The following TSPEAR variants were observed in gnomAD, a reference collection of about 807,000 sequenced individuals.
TSPEAR encodes the protein thrombospondin type laminin G domain and EAR repeats, also known as thrombospondin-type laminin G domain and EAR repeat-containing protein.
In TSPEAR, 69 loss-of-function variants were observed where a neutral mutation model predicts 71.6. The observed-to-expected ratio is 0.96, with a 90% CI of 0.79 to 1.18. The LOEUF is 1.18. Among genes scored for constraint, TSPEAR ranks in the 50% most tolerant of loss-of-function variants. The pLI is 0.00. For missense variants in TSPEAR, 971 were observed against 894.9 expected (o/e 1.09, Z -1.09); for synonymous variants, 402 against 387.2 (o/e 1.04, Z -0.45).
chr21:44,647,113 C>A (rs587759476), intron 1 of TSPEAR: 1 of 1,611,914 alleles, frequency 6.2e-7, no homozygotes, highest in African/African-American at 1.4e-5. Flanking sequence ...CTGCCAGCAG[C>A]CTAGCTGCCA....
chr21:44,689,278 G>A (rs1244024183), intron 1 of TSPEAR, among the ~76,000 whole-genome samples: 4 of 152,220 alleles, frequency 2.6e-5, no homozygotes, highest in Admixed American at 6.5e-5. Flanking sequence ...CGAGGCGGGC[G>A]GATCACGAGG....
intron 1 of TSPEAR, among the ~76,000 whole-genome samples, chr21:44,699,600 C>T (rs1434550003): frequency 2.6e-5 from 4 of 152,124 alleles, no homozygotes; most frequent in African/African-American, 9.7e-5. Context: ...CTCCCTCTGT[C>T]CCTCACTCTG....
intron 1 of TSPEAR, chr21:44,658,243 C>A (rs1341951309): frequency 1.2e-6 from 2 of 1,614,062 alleles, no homozygotes. Flanking sequence ...GCAGACCCAT[C>A]TCCTGCAGCA....
chr21:44,650,276 C>A (rs1432248463), intron 1 of TSPEAR, among the ~76,000 whole-genome samples: 1 of 152,064 alleles, frequency 6.6e-6, no homozygotes, highest in Non-Finnish European at 1.5e-5. Context: ...GTAAACATGA[C>A]CTTACGTGGA....
intron 2 of TSPEAR, among the ~76,000 whole-genome samples, chr21:44,556,174 A>G (rs1417029923): frequency 6.6e-6 from 1 of 152,138 alleles, no homozygotes; most frequent in African/African-American, 2.4e-5. Context: ...TCAGGAGTTC[A>G]AGACCAGCCT....
intron 1 of TSPEAR, among the ~76,000 whole-genome samples, chr21:44,618,259 C>T (rs1347776686): frequency 2.0e-5 from 3 of 152,220 alleles, no homozygotes; most frequent in African/African-American, 7.2e-5. Flanking sequence ...CTCTCACTTG[C>T]TTCTCTCTCC....
chr21:44,522,856 C>T (rs1219739138), intron 8 of TSPEAR, among the ~76,000 whole-genome samples: 1 of 152,278 alleles, frequency 6.6e-6, no homozygotes, highest in African/African-American at 2.4e-5. Context: ...ACCAGGCCAG[C>T]ATCCCTGCCA....
intron 4 of TSPEAR, among the ~76,000 whole-genome samples, chr21:44,530,598 G>C (rs2052949284): frequency 6.6e-6 from 1 of 152,202 alleles, no homozygotes; most frequent in South Asian, 2.1e-4. Flanking sequence ...AATATTCAGA[G>C]CATCTGCTAT....
chr21:44,704,695 G>A (rs1028893722), intron 1 of TSPEAR, among the ~76,000 whole-genome samples: 1 of 152,306 alleles, frequency 6.6e-6, no homozygotes, highest in East Asian at 1.9e-4. Context: ...AGTCTACCAC[G>A]GGGACCAGAA....
intron 1 of TSPEAR, among the ~76,000 whole-genome samples, chr21:44,685,363 A>G (rs1179335987): frequency 1.3e-5 from 2 of 151,042 alleles, no homozygotes; most frequent in Non-Finnish European, 3.0e-5. Context: ...TGCCATCCAC[A>G]CTCCTGCCCG....
At chr21:44,507,562 A>C (rs1252062083) in intron 10 of TSPEAR, among the ~76,000 whole-genome samples, 3 of 152,224 alleles carry the variant, frequency 2.0e-5, no homozygotes, top group African/African-American at 7.2e-5. Context: ...AATTTAGTTC[A>C]TAAACTGTCC....
chr21:44,573,833 C>T, intron 1 of TSPEAR: 1 of 1,614,216 alleles, frequency 6.2e-7, no homozygotes, highest in Non-Finnish European at 8.5e-7. Context: ...CTTGCTCCGA[C>T]TCCTGGCAGG....
At chr21:44,555,199 A>G (rs1383515170) in intron 2 of TSPEAR, among the ~76,000 whole-genome samples, 1 of 152,246 alleles carries the variant, frequency 6.6e-6, no homozygotes, top group Middle Eastern at 3.2e-3. Context: ...TTGGAAAGGA[A>G]AGGAAATTGC....
At chr21:44,513,215 C>T (rs1410678430) in intron 9 of TSPEAR, among the ~76,000 whole-genome samples, 1 of 152,196 alleles carries the variant, frequency 6.6e-6, no homozygotes, top group Non-Finnish European at 1.5e-5. Flanking sequence ...CTATTGACAG[C>T]CCCTCCTCCC....
chr21:44,646,680 C>T lies in TSPEAR; in HGVS notation c.82+64753G>A, dbSNP rs782531855. 1.9e-6 allele frequency: 3 copies of T among 1,614,106 alleles called. No homozygotes were observed. The South Asian group carries it at 3.3e-5, about 18-fold the overall frequency. ...CCTGCCAATCAGGCTGCACCAGCTC[C>T]TGCACGCCGTCATGCTGCCAGCAGT... is the stretch of plus-strand genomic sequence containing the variant. On this transcript the variant is annotated intron_variant, in intron 1 of 11. Transcript: ENST00000323084.
rs782812871 is a variant in TSPEAR at position 44,539,511 on chromosome 21, A to G, written c.304-5588T>C. The G allele has an allele frequency of 7.6e-5, 122 of 1,613,482 alleles. No individual in the cohort carries two copies. Among genetic ancestry groups the G allele is most frequent in the Non-Finnish European group, 9.7e-5 (114 of 1,179,720 alleles). On this transcript the variant is annotated intron_variant, in intron 2 of 11. Transcript: ENST00000323084. Reference sequence around the variant, plus strand: ...GTGCAGCAAGCCGGCTGGCAGCTAGACTGCTGGCAGCATGAAGTGGAAGCC... The same window carrying G: ...GTGCAGCAAGCCGGCTGGCAGCTAGGCTGCTGGCAGCATGAAGTGGAAGCC...
In TSPEAR at chr21:44,682,035, C is replaced by A. The variant is rs201081773; in HGVS notation, c.82+29398G>T. 2.3e-4 allele frequency: 367 copies of A among 1,614,114 alleles called. 2 individuals carry two copies. The highest frequency in any genetic ancestry group is 4.0e-5 in the Non-Finnish European group (47 of 1,179,946). On this transcript the variant is annotated intron_variant, in intron 1 of 11. Coordinates refer to ENST00000323084, the MANE Select transcript of TSPEAR (RefSeq NM_144991.3). ...CACGGGCACGCACACGGAGGACTGG[C>A]AGCCCACGGGGATGTAACAGGATGC...
intron 1 of TSPEAR, chr21:44,627,465 C>G: frequency 1.3e-6 from 2 of 1,572,898 alleles, no homozygotes; most frequent in South Asian, 2.3e-5. Flanking sequence ...GCCAGCAGGC[C>G]TGCTGCGTGC....
intron 1 of TSPEAR, among the ~76,000 whole-genome samples, chr21:44,648,577 T>C (rs1487905484): frequency 6.6e-6 from 1 of 152,106 alleles, no homozygotes; most frequent in Non-Finnish European, 1.5e-5. Flanking sequence ...GGGGGAGATG[T>C]TTCCACCTCA....
Sources: gnomAD v4.1 joint callset for allele counts (sites outside exome capture counted in the v4.1 genomes callset) on GRCh38, gnomAD v4.1.1 for gene constraint, MANE v1.5 for transcripts, NCBI Gene and HGNC (gene_info 2026-07-23, HGNC 2026-07-21) for gene names.